The following GABRA3 variants were observed in gnomAD, a reference collection of about 807,000 sequenced individuals.
GABRA3 encodes the protein gamma-aminobutyric acid receptor subunit alpha-3.
A neutral mutation model predicts 30.1 loss-of-function variants in GABRA3; 10 were observed. That is an observed-to-expected ratio of 0.33 (90% CI 0.20 to 0.56). The LOEUF (loss-of-function observed/expected upper bound fraction) is 0.56. Among genes scored for constraint, GABRA3 ranks in the 20% least tolerant of loss-of-function variants. The pLI is 0.89. For missense variants in GABRA3, 233 were observed against 392.0 expected, an observed-to-expected ratio of 0.59 and a Z score of 3.42; for synonymous variants, 151 against 146.8, an observed-to-expected ratio of 1.03 and a Z score of -0.21.
At chrX:152,181,347 T>A (rs1203430539) in intron 9 of GABRA3, among the ~76,000 whole-genome samples, 1 of 112,097 alleles carries the variant, frequency 8.9e-6, no homozygotes, top group Non-Finnish European at 1.9e-5. Context: ...TCATTGTTGA[T>A]AAAGAAATGC....
intron 4 of GABRA3, among the ~76,000 whole-genome samples, chrX:152,259,985 G>C (rs1027247054): frequency 1.8e-5 from 2 of 110,746 alleles, no homozygotes; most frequent in African/African-American, 6.6e-5. Context: ...TTCTGGACCT[G>C]CCTTGGGCCA....
At chrX:152,386,466 C>T (rs1167761281) in intron 1 of GABRA3, among the ~76,000 whole-genome samples, 4 of 110,722 alleles carry the variant, frequency 3.6e-5, no homozygotes, top group African/African-American at 6.6e-5. Flanking sequence ...AAACAAACAA[C>T]CCCATCAAAA....
At position 152,250,845 on chromosome X, in the gene GABRA3, C is replaced by T. The variant is rs759731490; in HGVS notation, c.551+4933G>A. Among the ~76,000 whole-genome samples, 172 of 110,760 alleles carry T rather than the reference C, an allele frequency of 1.6e-3. 1 individual carries two copies. Among genetic ancestry groups the T allele is most frequent in the Admixed American group, 5.4e-3 (56 of 10,368 alleles). On this transcript the variant is annotated intron_variant, in intron 5 of 9. Transcript: ENST00000370314. ...TTTCCCATGGACTCCAGATAAGATT[C>T]CTGAGGGTCAAAATAATAATAGGGG...
chrX:152,267,108 T>C (rs989106385), intron 4 of GABRA3, among the ~76,000 whole-genome samples: 1 of 112,362 alleles, frequency 8.9e-6, no homozygotes, highest in Non-Finnish European at 1.9e-5. Flanking sequence ...CTACATTAAT[T>C]CAATTTTTTC....
intron 1 of GABRA3, among the ~76,000 whole-genome samples, chrX:152,412,908 A>G (rs1486704562): frequency 9.0e-6 from 1 of 110,550 alleles, no homozygotes; most frequent in Admixed American, 9.6e-5. Flanking sequence ...TGGGCGTTTC[A>G]GAGGAGGAGG....
intron 3 of GABRA3, among the ~76,000 whole-genome samples, chrX:152,337,703 C>T (rs1006359258): frequency 9.0e-6 from 1 of 111,068 alleles, no homozygotes; most frequent in Non-Finnish European, 1.9e-5. Context: ...CCTGTAGTCC[C>T]AGCTATTCAG....
intron 1 of GABRA3, among the ~76,000 whole-genome samples, chrX:152,448,894 C>A (rs1222632242): frequency 9.0e-6 from 1 of 111,039 alleles, no homozygotes; most frequent in Non-Finnish European, 1.9e-5. Flanking sequence ...TCCTTGCTCC[C>A]ATCAGTCCAG....
At chrX:152,370,815 T>G (rs1928815642) in intron 1 of GABRA3, among the ~76,000 whole-genome samples, 2 of 110,897 alleles carry the variant, frequency 1.8e-5, no homozygotes, top group South Asian at 7.6e-4. Context: ...ATTTTTCATC[T>G]AGCACCTTCA....
intron 3 of GABRA3, among the ~76,000 whole-genome samples, chrX:152,301,483 A>T (rs1939628855): frequency 8.9e-6 from 1 of 112,121 alleles, no homozygotes; most frequent in African/African-American, 3.2e-5. Context: ...AAATTCTTTA[A>T]AATAGTTATG....
At chrX:152,447,992 A>G (rs2124557507) in intron 1 of GABRA3, among the ~76,000 whole-genome samples, 1 of 112,725 alleles carries the variant, frequency 8.9e-6, no homozygotes, top group Admixed American at 9.4e-5. Flanking sequence ...TTATGTCTGT[A>G]GAATCTAATA....
intron 1 of GABRA3, among the ~76,000 whole-genome samples, chrX:152,414,987 G>GTT (rs1930173296): frequency 1.8e-5 from 2 of 110,100 alleles, no homozygotes; most frequent in African/African-American, 6.6e-5. Flanking sequence ...AGACTAAAAA[G>GTT]ATTAGTGGTT....
At chrX:152,430,695 A>G (rs183978147) in intron 1 of GABRA3, among the ~76,000 whole-genome samples, 21 of 112,151 alleles carry the variant, frequency 1.9e-4, no homozygotes, top group Non-Finnish European at 9.4e-5. Flanking sequence ...AATTCAAAGG[A>G]TATATATTTT....
chrX:152,351,352 G>A (rs1422424123), intron 2 of GABRA3, among the ~76,000 whole-genome samples: 3 of 111,958 alleles, frequency 2.7e-5, no homozygotes, highest in Non-Finnish European at 5.7e-5. Context: ...TAGATCTTCT[G>A]GAGAACTTGC....
chrX:152,434,520 A>G (rs1930728835), intron 1 of GABRA3, among the ~76,000 whole-genome samples: 2 of 111,886 alleles, frequency 1.8e-5, no homozygotes, highest in Non-Finnish European at 3.8e-5. Flanking sequence ...CAAAAGACGG[A>G]AAAAACACTT....
chrX:152,178,670 TGAG>T (rs929672677), intron 9 of GABRA3, among the ~76,000 whole-genome samples: 13 of 112,076 alleles, frequency 1.2e-4, no homozygotes, highest in Non-Finnish European at 2.3e-4. Flanking sequence ...TTTTAAATGT[TGAG>T]ATTTGTTTTT....
At chrX:152,348,943 C>A (rs1303031666) in intron 2 of GABRA3, among the ~76,000 whole-genome samples, 3 of 111,568 alleles carry the variant, frequency 2.7e-5, no homozygotes, top group Non-Finnish European at 5.6e-5. Flanking sequence ...GCAGCTGTGG[C>A]AATTTCTTAA....
chrX:152,246,975 A>G (rs767532441), intron 5 of GABRA3, among the ~76,000 whole-genome samples: 1 of 112,231 alleles, frequency 8.9e-6, no homozygotes, highest in African/African-American at 3.2e-5. Flanking sequence ...TTTCAGAGGC[A>G]GAGTCTATAA....
chrX:152,435,248 T>C (rs1247884293), intron 1 of GABRA3, among the ~76,000 whole-genome samples: 1 of 111,223 alleles, frequency 9.0e-6, no homozygotes, highest in Non-Finnish European at 1.9e-5. Flanking sequence ...TTACTGAGTA[T>C]ATACCCAAAG....
At chrX:152,194,150 C>A (rs766074342) in intron 8 of GABRA3, among the ~76,000 whole-genome samples, 2 of 111,764 alleles carry the variant, frequency 1.8e-5, no homozygotes, top group Non-Finnish European at 3.8e-5. Context: ...ATTGTTTAAC[C>A]AATAAGCCAC....
Sources: gnomAD v4.1 joint callset for allele counts (sites outside exome capture counted in the v4.1 genomes callset) on GRCh38, gnomAD v4.1.1 for gene constraint, MANE v1.5 for transcripts, NCBI Gene and HGNC (gene_info 2026-07-23, HGNC 2026-07-21) for gene names.